Variants in PHF20L1 observed in about 807,000 individuals in gnomAD.
The protein encoded by PHF20L1 is PHD finger protein 20 like 1, also known as PHD finger protein 20-like protein 1.
A neutral mutation model predicts 125.5 loss-of-function variants in PHF20L1; 44 were observed. The observed-to-expected ratio is 0.35, with a 90% confidence interval of 0.28 to 0.45. PHF20L1 has a LOEUF of 0.45. Ranked by LOEUF, PHF20L1 falls within the 20% of genes least tolerant of loss-of-function variation. The probability of loss-of-function intolerance (pLI) is 1.00; values close to 1 mark genes in which losing one functional copy is unlikely to be tolerated. For missense variants in PHF20L1, 1,012 were observed against 1,217.2 expected (o/e 0.83, Z 2.51); for synonymous variants, 380 against 403.1 (o/e 0.94, Z 0.69).
Position 132,794,395 on chromosome 8 carries a change from AT to A in PHF20L1, c.84-11del. 1 of 1,545,720 alleles carries A rather than the reference AT, an allele frequency of 6.5e-7. No homozygotes were observed. The highest frequency in any genetic ancestry group is 1.1e-5 in the South Asian group (1 of 89,238). ...TAAGGATTTTCTCTTTATATGAAGCATTTTGATTTTTGAGGTATCCATCACG... is the reference window on the plus strand; with the variant it reads ...TAAGGATTTTCTCTTTATATGAAGCATTTGATTTTTGAGGTATCCATCACG... On this transcript the variant is annotated splice_polypyrimidine_tract_variant and intron_variant, in intron 2 of 20. Coordinates refer to ENST00000395386, the MANE Select transcript of PHF20L1 (RefSeq NM_016018.5).
In PHF20L1 at chr8:132,845,664, C is replaced by T; in HGVS notation, c.2912-117C>T. On this transcript the variant is annotated intron_variant, in intron 20 of 20. Transcript: ENST00000395386. The stretch of plus-strand genomic sequence containing the variant: ...GAAATGTCTTGAGTATGTTGGCCTT[C>T]TAAAGATGGGGAAGTGAACCCTTAA... The T allele has an allele frequency of 4.3e-6, 3 of 705,552 alleles. No individual in the cohort carries two copies. The South Asian group carries it at 5.2e-5, about 12-fold the overall frequency. 43.7% of individuals were successfully genotyped at this position (705,552 alleles called of 1,614,324 possible). A position where few individuals can be genotyped will look rare whatever the true frequency, so the allele number is the denominator to read the frequency against.
At chr8:132,826,580 A>G (rs1468747507) in intron 14 of PHF20L1, 1 of 152,064 alleles carries the variant, frequency 6.6e-6, no homozygotes, top group Non-Finnish European at 1.5e-5. Flanking sequence ...AAAACATAAT[A>G]TTTCACTTAT....
intron 8 of PHF20L1, chr8:132,810,807 G>A: frequency 2.3e-6 from 1 of 426,784 alleles, no homozygotes. Context: ...TGTTTTCAGT[G>A]ATTTAATTGA....
chr8:132,845,075 A>T (rs1346437564), intron 20 of PHF20L1, among the ~76,000 whole-genome samples: 4 of 152,042 alleles, frequency 2.6e-5, no homozygotes, highest in African/African-American at 9.7e-5. Flanking sequence ...AGCCTCTTCC[A>T]TCTGGGTATA....
chr8:132,797,199 G>T (rs1193097362), intron 4 of PHF20L1, among the ~76,000 whole-genome samples: 1 of 152,004 alleles, frequency 6.6e-6, no homozygotes, highest in East Asian at 1.9e-4. Context: ...ATTTCTGTAT[G>T]CCCCAAGTGG....
intron 1 of PHF20L1, among the ~76,000 whole-genome samples, chr8:132,776,586 T>G (rs1469498058): frequency 6.6e-6 from 1 of 152,180 alleles, no homozygotes; most frequent in African/African-American, 2.4e-5. Context: ...GGTATTTGAG[T>G]TCGCATATTT....
intron 2 of PHF20L1, among the ~76,000 whole-genome samples, chr8:132,778,706 T>A (rs1448273772): frequency 6.6e-6 from 1 of 152,156 alleles, no homozygotes; most frequent in Non-Finnish European, 1.5e-5. Context: ...AAGGAGCGTA[T>A]TCCTCATTTG....
intron 19 of PHF20L1, chr8:132,843,916 A>G: frequency 1.0e-6 from 1 of 985,226 alleles, no homozygotes; most frequent in East Asian, 1.1e-4. Context: ...ATTTTATTGA[A>G]GCCTTCTTGC....
chr8:132,807,759 A>T, intron 8 of PHF20L1: 1 of 455,862 alleles, frequency 2.2e-6, no homozygotes, highest in South Asian at 1.5e-5. Flanking sequence ...CTAATATAGA[A>T]TACTGGAAGG....
chr8:132,833,949 G>A (rs905385667), intron 15 of PHF20L1, among the ~76,000 whole-genome samples: 1 of 152,080 alleles, frequency 6.6e-6, no homozygotes, highest in East Asian at 1.9e-4. Flanking sequence ...GTTCCAGCAA[G>A]TTCCCCGGTG....
intron 9 of PHF20L1, among the ~76,000 whole-genome samples, chr8:132,814,043 G>A (rs1834690039): frequency 6.6e-6 from 1 of 150,984 alleles, no homozygotes; most frequent in African/African-American, 2.4e-5. Context: ...CTATATTGCT[G>A]GTGGCTCTGA....
At chr8:132,843,302 A>G in intron 19 of PHF20L1, 1 of 984,886 alleles carries the variant, frequency 1.0e-6, no homozygotes, top group Non-Finnish European at 1.2e-6. Context: ...TTGTCAATGC[A>G]TCCCACTATT....
intron 12 of PHF20L1, among the ~76,000 whole-genome samples, chr8:132,819,965 A>G (rs948357154): frequency 1.8e-4 from 28 of 151,920 alleles, no homozygotes; most frequent in African/African-American, 4.8e-4. Flanking sequence ...TGTTGAGTTT[A>G]GCATTTGATG....
intron 12 of PHF20L1, among the ~76,000 whole-genome samples, chr8:132,823,065 T>A (rs1433899311): frequency 6.6e-6 from 1 of 151,996 alleles, no homozygotes; most frequent in Non-Finnish European, 1.5e-5. Context: ...GGTGCAATAT[T>A]GGTTTAAAAA....
chr8:132,837,601 A>G, intron 16 of PHF20L1, 111 bp from the exon 17 acceptor site: 1 of 723,102 alleles, frequency 1.4e-6, no homozygotes, highest in East Asian at 2.8e-5. Flanking sequence ...TGAAACTGAT[A>G]GTGGCAGTAA....
chr8:132,804,906 A>G (rs1268000425), intron 8 of PHF20L1, among the ~76,000 whole-genome samples, 166 bp downstream of exon 8: 1 of 151,956 alleles, frequency 6.6e-6, no homozygotes, highest in Non-Finnish European at 1.5e-5. Flanking sequence ...CAACACCGTC[A>G]GCTTTTTCTG....
At chr8:132,829,777 A>T (rs898645461) in intron 14 of PHF20L1, among the ~76,000 whole-genome samples, 2 of 152,032 alleles carry the variant, frequency 1.3e-5, no homozygotes, top group Non-Finnish European at 2.9e-5. Context: ...TTTGCTATTG[A>T]TAGTTGTATA....
At chr8:132,819,662 G>A (rs1438422886) in intron 12 of PHF20L1, among the ~76,000 whole-genome samples, 1 of 151,524 alleles carries the variant, frequency 6.6e-6, no homozygotes, top group Non-Finnish European at 1.5e-5. Flanking sequence ...GAGCCAAAGT[G>A]CCAGGTTTTT....
At chr8:132,834,253 A>G (rs1213252399) in intron 15 of PHF20L1, among the ~76,000 whole-genome samples, 1 of 152,130 alleles carries the variant, frequency 6.6e-6, no homozygotes, top group Non-Finnish European at 1.5e-5. Context: ...TTGCTTGCTA[A>G]CACCATAAAA....
Sources: gnomAD v4.1 joint callset for allele counts (sites outside exome capture counted in the v4.1 genomes callset) on GRCh38, gnomAD v4.1.1 for gene constraint, MANE v1.5 for transcripts, NCBI Gene and HGNC (gene_info 2026-07-23, HGNC 2026-07-21) for gene names.